Variants in CNTLN observed in about 807,000 individuals in gnomAD.
CNTLN encodes centlein, centrosomal protein.
CNTLN carries 212 observed loss-of-function variants against 180.0 expected under a neutral mutation model. The ratio of observed to expected loss-of-function variants is 1.18; its 90% CI spans 1.05 to 1.32. The LOEUF is 1.32. Ranked by LOEUF, CNTLN falls within the 40% of genes most tolerant of loss-of-function variation. The pLI, the probability that CNTLN is intolerant of heterozygous loss-of-function variation, is 0.00. For synonymous variants in CNTLN, 722 were observed against 563.1 expected (o/e 1.28, Z -3.99); for missense variants, 2,095 against 1,610.9 (o/e 1.30, Z -5.14).
At chr9:17,274,409 G>T (rs935767292) in intron 6 of CNTLN, among the ~76,000 whole-genome samples, 1 of 151,902 alleles carries the variant, frequency 6.6e-6, no homozygotes, top group African/African-American at 2.4e-5. Flanking sequence ...AATAGTATGA[G>T]AGAGAATAAA....
At chr9:17,204,022 G>A (rs1190210459) in intron 2 of CNTLN, among the ~76,000 whole-genome samples, 3 of 152,160 alleles carry the variant, frequency 2.0e-5, no homozygotes, top group African/African-American at 7.2e-5. Flanking sequence ...GGTCATTTAT[G>A]TTCCTCTCTA....
At chr9:17,215,524 G>A (rs1823680792) in intron 2 of CNTLN, among the ~76,000 whole-genome samples, 1 of 152,158 alleles carries the variant, frequency 6.6e-6, no homozygotes, top group Non-Finnish European at 1.5e-5. Flanking sequence ...GAGGCAGTTT[G>A]ACCATTCTCA....
intron 12 of CNTLN, among the ~76,000 whole-genome samples, chr9:17,364,547 T>C (rs1478253386): frequency 6.6e-6 from 1 of 152,218 alleles, no homozygotes; most frequent in Non-Finnish European, 1.5e-5. Context: ...TTTAAAAACA[T>C]TTTAAAAACT....
At chr9:17,517,527 C>T in the CNTLN span, among the ~76,000 whole-genome samples, 53 of 151,962 alleles carry the variant, frequency 3.5e-4, no homozygotes, top group African/African-American at 1.3e-3. Flanking sequence ...ACCTAGTGTC[C>T]TTAGGAGGGG....
chr9:17,149,822 C>A (rs1563823013), intron 2 of CNTLN, among the ~76,000 whole-genome samples: 1 of 152,062 alleles, frequency 6.6e-6, no homozygotes, highest in African/African-American at 2.4e-5. Context: ...TGGCCTGTTT[C>A]CTGACTTTTT....
At chr9:17,352,007 G>A (rs6475144) in intron 12 of CNTLN, among the ~76,000 whole-genome samples, 90,978 of 151,908 alleles carry the variant, frequency 0.6, 27,491 homozygotes, top group East Asian at 0.73. Context: ...AATTCTGGGT[G>A]GCAAGTTTGT....
At chr9:17,349,971 A>C (rs1384855499) in intron 12 of CNTLN, among the ~76,000 whole-genome samples, 1 of 152,236 alleles carries the variant, frequency 6.6e-6, no homozygotes, top group African/African-American at 2.4e-5. Context: ...GAAGCTAGAT[A>C]GTAAGAGGCA....
intron 6 of CNTLN, among the ~76,000 whole-genome samples, chr9:17,284,851 G>T (rs1828882903): frequency 1.3e-5 from 2 of 151,546 alleles, no homozygotes; most frequent in South Asian, 4.2e-4. Flanking sequence ...TTGATGTTAG[G>T]GTGTCAACTT....
intron 18 of CNTLN, among the ~76,000 whole-genome samples, chr9:17,423,910 ACT>A (rs1430317670): frequency 1.3e-5 from 2 of 151,560 alleles, no homozygotes; most frequent in Non-Finnish European, 2.9e-5. Flanking sequence ...GCAATGCAAG[ACT>A]CTCTTTTCTA....
chr9:17,249,936 C>T (rs538239059), intron 5 of CNTLN, among the ~76,000 whole-genome samples: 2 of 147,732 alleles, frequency 1.4e-5, no homozygotes, highest in Admixed American at 1.4e-4. Flanking sequence ...TCCTTAATAA[C>T]CTTCCATGTA....
At chr9:17,452,827 C>T (rs1830862627) in intron 18 of CNTLN, among the ~76,000 whole-genome samples, 2 of 151,996 alleles carry the variant, frequency 1.3e-5, no homozygotes, top group South Asian at 4.2e-4. Flanking sequence ...GGAAAATAGG[C>T]CAGGGGTGAC....
intron 6 of CNTLN, among the ~76,000 whole-genome samples, chr9:17,295,997 A>AGAGAGAGAGAGAGTGTGTGTGTGT (rs1342910465): frequency 1.1e-5 from 1 of 91,290 alleles, no homozygotes; most frequent in African/African-American, 5.9e-5. Context: ...AGAGAGAGAG[A>AGAGAGAGAGAGAGTGTGTGTGTGT]GTGTGTGTGT....
intron 5 of CNTLN, among the ~76,000 whole-genome samples, chr9:17,264,731 A>G (rs1444676070): frequency 6.6e-6 from 1 of 152,068 alleles, no homozygotes; most frequent in Non-Finnish European, 1.5e-5. Flanking sequence ...AGTGGTTTGT[A>G]GTTCTCCTTG....
At chr9:17,376,053 G>T (rs908068547) in intron 13 of CNTLN, among the ~76,000 whole-genome samples, 9 of 152,040 alleles carry the variant, frequency 5.9e-5, no homozygotes, top group Non-Finnish European at 1.0e-4. Context: ...TCCAATGCTC[G>T]CATTCAGGTT....
intron 12 of CNTLN, among the ~76,000 whole-genome samples, chr9:17,345,366 T>C (rs1291029794): frequency 6.9e-6 from 1 of 145,756 alleles, no homozygotes; most frequent in Non-Finnish European, 1.5e-5. Context: ...TTTTGCATGC[T>C]GACATTTTAG....
At chr9:17,502,154 C>G (rs1313713253) in intron 25 of CNTLN, among the ~76,000 whole-genome samples, 1 of 152,154 alleles carries the variant, frequency 6.6e-6, no homozygotes, top group Non-Finnish European at 1.5e-5. Context: ...TGATGGTTCT[C>G]TCTCATTCTT....
the CNTLN span, among the ~76,000 whole-genome samples, chr9:17,519,246 T>TTTG: frequency 3.3e-5 from 1 of 30,524 alleles, no homozygotes; most frequent in African/African-American, 4.0e-5. Flanking sequence ...ATTTGAGTGT[T>TTTG]TTTTTTTTTT....
intron 2 of CNTLN, among the ~76,000 whole-genome samples, chr9:17,170,002 G>T (rs1262774947): frequency 1.3e-5 from 2 of 151,950 alleles, no homozygotes; most frequent in African/African-American, 4.8e-5. Context: ...GTATATTTTA[G>T]CAATAACCAT....
At chr9:17,407,494 A>G (rs1827485119) in intron 15 of CNTLN, among the ~76,000 whole-genome samples, 1 of 152,218 alleles carries the variant, frequency 6.6e-6, no homozygotes, top group South Asian at 2.1e-4. Context: ...CAATAGAATC[A>G]AGATCCCCAA....
Sources: gnomAD v4.1 joint callset for allele counts (sites outside exome capture counted in the v4.1 genomes callset) on GRCh38, gnomAD v4.1.1 for gene constraint, MANE v1.5 for transcripts, NCBI Gene and HGNC (gene_info 2026-07-23, HGNC 2026-07-21) for gene names.